Variants in ECHDC3 observed in about 807,000 individuals in gnomAD.
The protein encoded by ECHDC3 is enoyl-CoA hydratase domain containing 3.
ECHDC3 carries 20 observed loss-of-function variants against 17.9 expected under a neutral mutation model. That is an observed-to-expected ratio of 1.12 (90% CI 0.79 to 1.63). The LOEUF is 1.63. Ranked by LOEUF, ECHDC3 falls within the 40% of genes most tolerant of loss-of-function variation. ECHDC3 has a pLI of 0.00. For synonymous variants in ECHDC3, 177 were observed against 149.7 expected (o/e 1.18, Z -1.33); for missense variants, 407 against 357.7 (o/e 1.14, Z -1.11).
chr10:11,763,669 A>G lies in ECHDC3; in HGVS notation c.*125A>G. Reference sequence around the variant, plus strand: ...GCTTTCGTGACTTGATATTGGTGTCATAGCATTTGGCCTACATTAAAAGCC... The same window carrying G: ...GCTTTCGTGACTTGATATTGGTGTCGTAGCATTTGGCCTACATTAAAAGCC... On this transcript the variant is annotated 3_prime_UTR_variant, in exon 5 of 5. Coordinates refer to ENST00000379215, the MANE Select transcript of ECHDC3 (RefSeq NM_024693.5). This position sits in a 1 kb window ranked among gnomAD's most constrained non-coding sequence, Gnocchi z 4.9. 7.0e-7 allele frequency: 1 copy of G among 1,431,874 alleles called. No homozygotes were observed. The highest frequency in any genetic ancestry group is 9.1e-7 in the Non-Finnish European group (1 of 1,097,420). 88.7% of individuals were successfully genotyped at this position (1,431,874 alleles called of 1,614,324 possible).
At chr10:11,753,728 A>G (rs954605858) in intron 3 of ECHDC3, among the ~76,000 whole-genome samples, 1 of 152,090 alleles carries the variant, frequency 6.6e-6, no homozygotes, top group Non-Finnish European at 1.5e-5. Context: ...AAATCCGTGA[A>G]TAGTGTTGTG....
intron 2 of ECHDC3, among the ~76,000 whole-genome samples, chr10:11,748,352 G>T (rs1043489563): frequency 2.6e-5 from 4 of 151,988 alleles, no homozygotes; most frequent in African/African-American, 9.7e-5. Flanking sequence ...TCAGTCTCCT[G>T]AGTAGCTGGG....
intron 4 of ECHDC3, among the ~76,000 whole-genome samples, chr10:11,757,995 C>G (rs986076424): frequency 6.6e-6 from 1 of 152,178 alleles, no homozygotes; most frequent in African/African-American, 2.4e-5. Flanking sequence ...GGGTGCGTGT[C>G]CCTCATACAC....
intron 1 of ECHDC3, among the ~76,000 whole-genome samples, chr10:11,744,325 A>T (rs1832732222): frequency 6.6e-6 from 1 of 152,194 alleles, no homozygotes; most frequent in Non-Finnish European, 1.5e-5. Flanking sequence ...TTGAAAAGAG[A>T]TGGTGAAAAA....
intron 4 of ECHDC3, among the ~76,000 whole-genome samples, chr10:11,756,081 G>C (rs1368815478): frequency 6.6e-6 from 1 of 152,206 alleles, no homozygotes; most frequent in Non-Finnish European, 1.5e-5. Context: ...TCTTGTTCCA[G>C]AACGGATTTA....
intron 3 of ECHDC3, among the ~76,000 whole-genome samples, chr10:11,754,519 T>TC (rs1051325660): frequency 1.5e-4 from 23 of 151,750 alleles, no homozygotes; most frequent in Non-Finnish European, 2.8e-4. Context: ...GACAGCAGAG[T>TC]CCCCCCACCC....
intron 4 of ECHDC3, 183 bp downstream of exon 4, chr10:11,755,791 C>T (rs1483094210): frequency 5.3e-6 from 3 of 567,650 alleles, no homozygotes; most frequent in Non-Finnish European, 9.1e-6. Context: ...GAAGAGCCGA[C>T]CGCCTGCCTG....
Position 11,755,432 on chromosome 10 carries a change from C to A in ECHDC3, c.415C>A (p.Pro139Thr). ...SKVMMHIRNH[P>T]VPVIAMVNGL... is the part of the protein sequence containing the mutation. ...GGTCATGATGCACATCCGGAACCAC[C>A]CCGTTCCCGTCATTGCCATGGTCAA... Residue 139 changes from proline to threonine, a missense_variant, in exon 4 of 5, where the codon CCC becomes ACC. Transcript: ENST00000379215. 1.9e-6 allele frequency: 3 copies of A among 1,613,722 alleles called. No homozygotes were observed. Among genetic ancestry groups the A allele is most frequent in the Non-Finnish European group, 2.5e-6 (3 of 1,179,680 alleles).
Position 11,742,639 on chromosome 10 carries a change from C to T in ECHDC3, c.63C>T (p.Gly21=). Residue 21 remains glycine, a synonymous_variant, in exon 1 of 5, where the codon GGC becomes GGT. Transcript: ENST00000379215. ...GTGGGCCCATGTGTCTCCGGCGCGGCCCCTGGGCCCAGCTCCCCGCCCGCT... is the reference window on the plus strand; with the variant it reads ...GTGGGCCCATGTGTCTCCGGCGCGGTCCCTGGGCCCAGCTCCCCGCCCGCT... ...GASGPMCLRR[G]PWAQLPARFC... is the part of the protein sequence containing the mutation. 6.3e-6 allele frequency: 8 copies of T among 1,262,916 alleles called. No individual in the cohort carries two copies. Among genetic ancestry groups the T allele is most frequent in the Middle Eastern group, 3.0e-4 (1 of 3,290 alleles). The allele number at this position is 1,262,916 out of a possible 1,614,324, so 78.2% of individuals were successfully genotyped here.
Position 11,763,365 on chromosome 10 carries a change from C to G in ECHDC3, c.733C>G (p.Arg245Gly). Residue 245 changes from arginine (R) to glycine (G), a missense_variant, in exon 5 of 5, where the codon CGT becomes GGT. Transcript: ENST00000379215. The surrounding 1 kb of genome is among the most constrained non-coding windows in gnomAD (Gnocchi z 4.9). ...RIARKIASLS[R>G]PVVSLGKATF... ...CGCTAGGAAGATCGCATCGCTGAGC[C>G]GTCCGGTGGTGTCCCTGGGCAAAGC... 1.3e-6 allele frequency: 1 copy of G among 779,430 alleles called. No homozygotes were observed. Among genetic ancestry groups the G allele is most frequent in the Non-Finnish European group, 2.4e-6 (1 of 418,702 alleles). The allele number at this position is 779,430 out of a possible 1,614,324, so 48.3% of individuals were successfully genotyped here.
rs946627433 is a variant in ECHDC3 at position 11,742,439 on chromosome 10, G to A, written c.-138G>A. ...CCGCGAAGCCTGGGCCTGTCAGGCG[G>A]TTCCGTCCGGGTCTCGGCCACCGTC... On this transcript the variant is annotated 5_prime_UTR_variant, in exon 1 of 5. Coordinates refer to ENST00000379215, the MANE Select transcript of ECHDC3 (RefSeq NM_024693.5). 1.6e-5 allele frequency: 14 copies of A among 881,828 alleles called. 2 individuals carry two copies. In the Admixed American group the frequency reaches 4.6e-4, roughly 29 times the overall value. The allele number at this position is 881,828 out of a possible 1,614,324, so 54.6% of individuals were successfully genotyped here. A position where few individuals can be genotyped will look rare whatever the true frequency, so the allele number is the denominator to read the frequency against.
chr10:11,742,425 G>A lies in ECHDC3; in HGVS notation c.-152G>A. The A allele has an allele frequency of 1.4e-6, 1 of 707,176 alleles. No homozygotes were observed. 43.8% of individuals were successfully genotyped at this position (707,176 alleles called of 1,614,324 possible). A position where few individuals can be genotyped will look rare whatever the true frequency, so the allele number is the denominator to read the frequency against. On this transcript the variant is annotated 5_prime_UTR_variant, in exon 1 of 5. Coordinates refer to ENST00000379215, the MANE Select transcript of ECHDC3 (RefSeq NM_024693.5). ...GGCCTGGGGCGTCCCCGCGAAGCCT[G>A]GGCCTGTCAGGCGGTTCCGTCCGGG...
Position 11,763,589 on chromosome 10 carries a change from A to G in ECHDC3, c.*45A>G. 3 of 1,451,272 alleles carry G rather than the reference A, an allele frequency of 2.1e-6. No homozygotes were observed. Among genetic ancestry groups the G allele is most frequent in the Non-Finnish European group, 2.7e-6 (3 of 1,105,042 alleles). 89.9% of individuals were successfully genotyped at this position (1,451,272 alleles called of 1,614,324 possible). On this transcript the variant is annotated 3_prime_UTR_variant, in exon 5 of 5. Transcript: ENST00000379215. The surrounding 1 kb of genome is among the most constrained non-coding windows in gnomAD (Gnocchi z 4.9). ...GCCCACGGGCAGCGCCCAGGAGCCC[A>G]CCTTCCCCTCTGGCCCAGCCACCAC...
At chr10:11,747,677 G>T (rs558713054) in intron 2 of ECHDC3, among the ~76,000 whole-genome samples, 1 of 152,352 alleles carries the variant, frequency 6.6e-6, no homozygotes, top group Non-Finnish European at 1.5e-5. Flanking sequence ...TGACTGTTCA[G>T]TGAAACTATG....
Position 11,763,308 on chromosome 10 carries a change from G to A in ECHDC3, c.676G>A (p.Glu226Lys). ...LHGLLSKVVPEAELQEETMRI... is the reference protein window; with the variant it reads ...LHGLLSKVVPKAELQEETMRI... ...CGGGCTGCTTAGCAAGGTGGTGCCAGAGGCGGAGCTGCAGGAGGAGACCAT... is the reference window on the plus strand; with the variant it reads ...CGGGCTGCTTAGCAAGGTGGTGCCAAAGGCGGAGCTGCAGGAGGAGACCAT... Residue 226 changes from glutamate to lysine, a missense_variant, in exon 5 of 5, where the codon GAG becomes AAG. By Grantham distance (56) the Glu-to-Lys change is moderately conservative. Transcript: ENST00000379215. This position sits in a 1 kb window ranked among gnomAD's most constrained non-coding sequence, Gnocchi z 4.9. 1 of 780,328 alleles carries A rather than the reference G, an allele frequency of 1.3e-6. No homozygotes were observed. The highest frequency in any genetic ancestry group is 2.4e-5 in the East Asian group (1 of 41,218). 48.3% of individuals were successfully genotyped at this position (780,328 alleles called of 1,614,324 possible).
intron 4 of ECHDC3, among the ~76,000 whole-genome samples, chr10:11,758,543 C>G (rs1181529013): frequency 6.6e-6 from 1 of 152,230 alleles, no homozygotes; most frequent in Non-Finnish European, 1.5e-5. Context: ...GGGAGAAAGG[C>G]TGGGTCTCCA....
intron 2 of ECHDC3, among the ~76,000 whole-genome samples, chr10:11,749,095 A>G (rs1832794842): frequency 6.6e-6 from 1 of 152,176 alleles, no homozygotes; most frequent in African/African-American, 2.4e-5. Context: ...TGTAGATGAA[A>G]TGACATGGAC....
At chr10:11,743,846 G>A (rs562415795) in intron 1 of ECHDC3, among the ~76,000 whole-genome samples, 1 of 152,324 alleles carries the variant, frequency 6.6e-6, no homozygotes, top group South Asian at 2.1e-4. Context: ...TGGGCATGGC[G>A]GCCAGATGGC....
chr10:11,759,526 C>T (rs902272543), intron 4 of ECHDC3, among the ~76,000 whole-genome samples: 7 of 152,162 alleles, frequency 4.6e-5, no homozygotes, highest in African/African-American at 9.7e-5. Context: ...GCCTCCAGAA[C>T]TTGTGAGATA....
Sources: allele counts gnomAD v4.1 joint callset (sites outside exome capture counted in the v4.1 genomes callset), GRCh38; gene constraint gnomAD v4.1.1; non-coding constraint Gnocchi (gnomAD v3.1); transcripts MANE v1.5; gene names NCBI Gene and HGNC (gene_info 2026-07-23, HGNC 2026-07-21).